Variants in CDIN1 observed in about 807,000 individuals in gnomAD.
The protein encoded by CDIN1 is CDAN1-interacting nuclease 1.
In CDIN1, 33 loss-of-function variants were observed where a neutral mutation model predicts 45.3. The observed-to-expected ratio is 0.73, with a 90% CI of 0.55 to 0.97. The LOEUF is 0.97. CDIN1 is among the 50% of genes least tolerant of loss of function. The pLI is 0.00. For missense variants in CDIN1, 303 were observed against 339.4 expected, an observed-to-expected ratio of 0.89 and a Z score of 0.84; for synonymous variants, 118 against 124.4, an observed-to-expected ratio of 0.95 and a Z score of 0.34.
At chr15:36,669,948 T>A (rs1363754854) in intron 5 of CDIN1, among the ~76,000 whole-genome samples, 1 of 152,076 alleles carries the variant, frequency 6.6e-6, no homozygotes, top group African/African-American at 2.4e-5. Context: ...TATTTTTCCC[T>A]TTCCATACTC....
At chr15:36,715,774 TC>T (rs1235428548) in intron 10 of CDIN1, among the ~76,000 whole-genome samples, 1 of 152,204 alleles carries the variant, frequency 6.6e-6, no homozygotes, top group African/African-American at 2.4e-5. Context: ...GTCCCATTGT[TC>T]CAGACAGATA....
At chr15:36,604,456 C>CACACAA (rs1241807342) in intron 1 of CDIN1, among the ~76,000 whole-genome samples, 1 of 151,208 alleles carries the variant, frequency 6.6e-6, no homozygotes, top group Non-Finnish European at 1.5e-5. Flanking sequence ...CACACACACA[C>CACACAA]ATTTTAGAGT....
chr15:36,776,343 C>T (rs917918511), intron 10 of CDIN1, among the ~76,000 whole-genome samples: 4 of 152,312 alleles, frequency 2.6e-5, no homozygotes, highest in Middle Eastern at 3.4e-3. Flanking sequence ...GGTCTGAATT[C>T]ACCACCAATG....
chr15:36,636,142 A>G (rs1282624680), intron 1 of CDIN1, among the ~76,000 whole-genome samples: 1 of 152,244 alleles, frequency 6.6e-6, no homozygotes, highest in Non-Finnish European at 1.5e-5. Flanking sequence ...ATAAAAAGCA[A>G]AGTTAAAAGA....
intron 1 of CDIN1, among the ~76,000 whole-genome samples, chr15:36,633,232 A>G (rs2039753583): frequency 6.6e-6 from 1 of 152,206 alleles, no homozygotes; most frequent in Non-Finnish European, 1.5e-5. Flanking sequence ...TTTTACACAA[A>G]TGACATATTC....
chr15:36,608,531 T>C (rs2038488925), intron 1 of CDIN1, among the ~76,000 whole-genome samples: 1 of 152,234 alleles, frequency 6.6e-6, no homozygotes, highest in Non-Finnish European at 1.5e-5. Context: ...ATTTTATTAT[T>C]GAGCTGTAAG....
intron 1 of CDIN1, among the ~76,000 whole-genome samples, chr15:36,596,670 T>TGTA (rs1455029526): frequency 6.6e-6 from 1 of 152,140 alleles, no homozygotes; most frequent in Non-Finnish European, 1.5e-5. Flanking sequence ...AGGCAAAGTG[T>TGTA]GTAGATTCAT....
intron 1 of CDIN1, chr15:36,595,027 A>G: frequency 1.9e-6 from 1 of 518,938 alleles, no homozygotes; most frequent in Non-Finnish European, 2.5e-6. Context: ...AAATGTTCTT[A>G]TGGCTTATGG....
chr15:36,783,172 G>T (rs887995957), intron 10 of CDIN1, among the ~76,000 whole-genome samples: 11 of 152,138 alleles, frequency 7.2e-5, no homozygotes, highest in Non-Finnish European at 2.9e-5. Flanking sequence ...TTCTAAAATA[G>T]GTTTAAGTGT....
chr15:36,691,666 C>T lies in CDIN1; in HGVS notation c.347-19C>T, dbSNP rs960868837. The T allele has an allele frequency of 2.6e-6, 4 of 1,513,562 alleles. No individual in the cohort carries two copies. The Admixed American group carries it at 7.2e-5, about 27-fold the overall frequency. The allele number at this position is 1,513,562 out of a possible 1,614,324, so 93.8% of individuals were successfully genotyped here. A position where few individuals can be genotyped will look rare whatever the true frequency, so the allele number is the denominator to read the frequency against. ...GTATGTTGACTATCTGCTAACAGTTCATCTCTTTTCTTCTACAGCCTCCAA... is the reference window on the plus strand; with the variant it reads ...GTATGTTGACTATCTGCTAACAGTTTATCTCTTTTCTTCTACAGCCTCCAA... On this transcript the variant is annotated intron_variant, in intron 5 of 10. Coordinates refer to ENST00000566621, the MANE Select transcript of CDIN1 (RefSeq NM_001321759.2).
chr15:36,754,589 C>G (rs1053992801), intron 10 of CDIN1, among the ~76,000 whole-genome samples: 1 of 144,196 alleles, frequency 6.9e-6, no homozygotes, highest in Non-Finnish European at 1.5e-5. Context: ...AAAAAAAAGG[C>G]CAAGTAAGGG....
chr15:36,792,606 TG>T (rs1037867024), intron 10 of CDIN1, among the ~76,000 whole-genome samples: 3 of 64,056 alleles, frequency 4.7e-5, no homozygotes, highest in African/African-American at 1.8e-4. Flanking sequence ...GAGGTGGGGC[TG>T]GGGGGGAGGG....
intron 1 of CDIN1, chr15:36,641,367 T>G (rs1484729598): frequency 6.6e-6 from 1 of 152,430 alleles, no homozygotes; most frequent in Non-Finnish European, 1.5e-5. Flanking sequence ...AGTGCTAGTT[T>G]TTTCTTCAGG....
intron 1 of CDIN1, among the ~76,000 whole-genome samples, chr15:36,600,240 C>G (rs2140229027): frequency 6.6e-6 from 1 of 152,244 alleles, no homozygotes; most frequent in East Asian, 1.9e-4. Flanking sequence ...CTGGCAGATG[C>G]TTTTGTCTTG....
intron 10 of CDIN1, among the ~76,000 whole-genome samples, chr15:36,752,179 T>A (rs1198064162): frequency 6.6e-6 from 1 of 152,228 alleles, no homozygotes; most frequent in Non-Finnish European, 1.5e-5. Flanking sequence ...AAAAATGATT[T>A]ACCTTCATTT....
chr15:36,798,047 ATT>A (rs2054877420), intron 10 of CDIN1, among the ~76,000 whole-genome samples: 1 of 141,260 alleles, frequency 7.1e-6, no homozygotes, highest in African/African-American at 2.6e-5. Flanking sequence ...AAAAAAAAAA[ATT>A]ATTTTCCAAA....
chr15:36,686,340 C>T (rs1379626730), intron 5 of CDIN1, among the ~76,000 whole-genome samples: 1 of 143,858 alleles, frequency 7.0e-6, no homozygotes, highest in East Asian at 2.1e-4. Flanking sequence ...TATTCTCACT[C>T]ATAGGTGGGA....
At chr15:36,660,259 G>C (rs2040954572) in intron 5 of CDIN1, among the ~76,000 whole-genome samples, 1 of 152,094 alleles carries the variant, frequency 6.6e-6, no homozygotes, top group Admixed American at 6.6e-5. Context: ...TTTTTGTCTA[G>C]TGTGGACTAT....
chr15:36,639,118 C>T (rs1295469418), intron 1 of CDIN1, among the ~76,000 whole-genome samples: 1 of 152,100 alleles, frequency 6.6e-6, no homozygotes, highest in Non-Finnish European at 1.5e-5. Context: ...GTTATAGAGC[C>T]GTTTGGATTT....
Sources: gnomAD v4.1 joint callset for allele counts (sites outside exome capture counted in the v4.1 genomes callset) on GRCh38, gnomAD v4.1.1 for gene constraint, MANE v1.5 for transcripts, NCBI Gene and HGNC (gene_info 2026-07-23, HGNC 2026-07-21) for gene names.